The following ANO1 variants were observed in gnomAD, a reference collection of about 807,000 sequenced individuals.
ANO1 encodes the protein anoctamin 1, also known as anoctamin-1.
In ANO1, 59 loss-of-function variants were observed where a neutral mutation model predicts 124.0. The observed-to-expected ratio is 0.48, with a 90% CI of 0.39 to 0.59. ANO1 has a LOEUF of 0.59. Among genes scored for constraint, ANO1 ranks in the 20% least tolerant of loss-of-function variants. The pLI is 0.00. For missense variants in ANO1, 1,059 were observed against 1,328.0 expected, an observed-to-expected ratio of 0.80 and a Z score of 3.15; for synonymous variants, 529 against 532.0, an observed-to-expected ratio of 0.99 and a Z score of 0.08.
intron 1 of ANO1, chr11:70,085,388 G>A: frequency 7.0e-7 from 1 of 1,427,926 alleles, no homozygotes; most frequent in South Asian, 1.3e-5. Flanking sequence ...CTCAGACTTT[G>A]TCACAGAGGG....
intron 8 of ANO1, among the ~76,000 whole-genome samples, chr11:70,121,125 C>T (rs963293938): frequency 6.6e-6 from 1 of 152,084 alleles, no homozygotes; most frequent in Admixed American, 6.5e-5. Flanking sequence ...GGTCCCTCCT[C>T]CCCCGGTGCA....
chr11:70,028,845 G>A (rs1446842971), intron 1 of ANO1, among the ~76,000 whole-genome samples: 2 of 152,082 alleles, frequency 1.3e-5, no homozygotes, highest in African/African-American at 4.8e-5. Context: ...GCAATGGTAC[G>A]ACCTCAACTC....
chr11:70,049,223 A>G (rs902717014), intron 1 of ANO1, among the ~76,000 whole-genome samples: 2 of 152,082 alleles, frequency 1.3e-5, no homozygotes, highest in African/African-American at 4.8e-5. Flanking sequence ...GCGCTTCTCA[A>G]TGCTCCCAAG....
chr11:70,131,933 A>G lies in ANO1; in HGVS notation c.1112A>G (p.Asp371Gly). Residue 371 changes from aspartate to glycine, a missense_variant, in exon 11 of 26, where the codon GAC becomes GGC. This residue lies in a region of ANO1 where 809 missense variants were observed against 1,094.9 expected (regional missense o/e 0.74). Transcript: ENST00000355303. ...CTCTCTTGCAGCATGGAGATGTGTG[A>G]CCAGAGACACAATATCACCATGTGC... is the stretch of plus-strand genomic sequence containing the variant. The part of the protein sequence containing the change: ...DENIPSMEMC[D>G]QRHNITMCPL... 6.2e-7 allele frequency: 1 copy of G among 1,607,252 alleles called. No homozygotes were observed. Among genetic ancestry groups the G allele is most frequent in the Non-Finnish European group, 8.5e-7 (1 of 1,179,592 alleles).
At chr11:69,967,083 T>A in the ANO1 span, among the ~76,000 whole-genome samples, 108 of 152,246 alleles carry the variant, frequency 7.1e-4, 1 homozygote, top group African/African-American at 2.5e-3. Flanking sequence ...CCTAAAAATG[T>A]CTCCAGACAT....
At position 70,138,843 on chromosome 11, in the gene ANO1, G is replaced by A. The variant is rs573798228; in HGVS notation, c.1258+6764G>A. Among the ~76,000 whole-genome samples the A allele has an allele frequency of 4.0e-4, 60 of 151,882 alleles. No individual in the cohort carries two copies. In the East Asian group the frequency reaches 4.4e-3, roughly 11 times the overall value. On this transcript the variant is annotated intron_variant, in intron 11 of 25. Transcript: ENST00000355303. ...CTGATCTGTTACATGGGTAAACTGC[G>A]TGCCGTTGGTTTGGTGTACAGGTTA... is the stretch of plus-strand genomic sequence containing the variant.
At chr11:69,980,697 C>A in the ANO1 span, among the ~76,000 whole-genome samples, 1 of 151,860 alleles carries the variant, frequency 6.6e-6, no homozygotes, top group African/African-American at 2.4e-5. Flanking sequence ...TGCCACTGAG[C>A]CGCACACTTA....
intron 11 of ANO1, among the ~76,000 whole-genome samples, chr11:70,139,892 C>A (rs148353515): frequency 3.3e-5 from 5 of 152,200 alleles, no homozygotes; most frequent in Non-Finnish European, 7.3e-5. Context: ...CTCCGGCTGG[C>A]GTGTGTGCTG....
upstream of ANO1, chr11:70,078,186 G>A (rs1427536582): frequency 2.0e-5 from 3 of 152,618 alleles, no homozygotes; most frequent in East Asian, 5.8e-4. Context: ...AAACTTGGAG[G>A]GGCCCGCAGG....
chr11:70,116,863 C>G (rs913576689), intron 8 of ANO1, among the ~76,000 whole-genome samples: 9 of 152,160 alleles, frequency 5.9e-5, no homozygotes, highest in Admixed American at 5.2e-4. Flanking sequence ...GGCATGTGGC[C>G]TAATCCCACA....
At chr11:70,150,144 G>A (rs1278037179) in intron 12 of ANO1, among the ~76,000 whole-genome samples, 2 of 152,164 alleles carry the variant, frequency 1.3e-5, no homozygotes, top group Admixed American at 6.5e-5. Flanking sequence ...CGTGGGGGTG[G>A]AGAGGAAATG....
chr11:69,985,541 GC>G (rs1334088658), upstream of ANO1, among the ~76,000 whole-genome samples: 8 of 152,288 alleles, frequency 5.3e-5, no homozygotes, highest in Admixed American at 5.2e-4. Context: ...TCACGGAACC[GC>G]CCCGCGCCCA....
At chr11:69,996,259 T>C (rs1351319629) in intron 1 of ANO1, among the ~76,000 whole-genome samples, 1 of 152,244 alleles carries the variant, frequency 6.6e-6, no homozygotes, top group African/African-American at 2.4e-5. Context: ...GGGATCCTCC[T>C]TAACTAGTAT....
chr11:70,180,114 C>T (rs969200188), intron 23 of ANO1, 58 bp downstream of exon 23: 6 of 1,524,472 alleles, frequency 3.9e-6, no homozygotes, highest in Admixed American at 1.7e-5. Context: ...GCCAGGTGGC[C>T]GGGGCCCTGT....
At chr11:70,140,246 G>A (rs528779728) in intron 11 of ANO1, among the ~76,000 whole-genome samples, 1 of 152,068 alleles carries the variant, frequency 6.6e-6, no homozygotes, top group Non-Finnish European at 1.5e-5. Flanking sequence ...AAGTAAAGGA[G>A]TGGCCGGGCT....
At position 70,108,990 on chromosome 11, in the gene ANO1, C is replaced by G. The variant is rs77072350; in HGVS notation, c.799+586C>G. ...AAATTGTGTAGCTGGGAACCACCCC[C>G]CACAGTGGGTCCCTTGCCCACAGCT... On this transcript the variant is annotated intron_variant, in intron 6 of 25. Coordinates refer to ENST00000355303, the MANE Select transcript of ANO1 (RefSeq NM_018043.7). Among the ~76,000 whole-genome samples, 206 of 152,314 alleles carry G rather than the reference C, an allele frequency of 1.4e-3. 7 individuals are homozygous for G. In the East Asian group the frequency reaches 0.03, roughly 22 times the overall value.
chr11:70,112,108 C>T lies in ANO1; in HGVS notation c.855+346C>T, dbSNP rs546731645. 3.2e-4 allele frequency among the ~76,000 whole-genome samples: 48 copies of T among 152,324 alleles called. No individual in the cohort carries two copies. The South Asian group carries it at 9.7e-3, about 31-fold the overall frequency. On this transcript the variant is annotated intron_variant, in intron 7 of 25. Coordinates refer to ENST00000355303, the MANE Select transcript of ANO1 (RefSeq NM_018043.7). Reference sequence around the variant, plus strand: ...CTGGCCCGGGGCTCTGGCAGAATGACCAGGGCTCTGTACGTGTCTATTTCT... The same window carrying T: ...CTGGCCCGGGGCTCTGGCAGAATGATCAGGGCTCTGTACGTGTCTATTTCT...
chr11:70,080,860 G>A (rs902545606), intron 1 of ANO1, among the ~76,000 whole-genome samples: 1 of 152,218 alleles, frequency 6.6e-6, no homozygotes, highest in African/African-American at 2.4e-5. Context: ...CAGCCATGGA[G>A]CAGGGGCCTG....
Position 70,067,615 on chromosome 11 carries a change from G to T in ANO1, c.59-10927G>T, listed in dbSNP as rs556547516. ...AGAGTTGGGATTACAGGCATGAGCC[G>T]CCGCACCCGGCCTGTGCGTGTTTTG... On this transcript the variant is annotated intron_variant, in intron 1 of 27. Coordinates refer to the ANO1 transcript ENST00000531349. Among the ~76,000 whole-genome samples, 7 of 152,226 alleles carry T rather than the reference G, an allele frequency of 4.6e-5. No homozygotes were observed. The South Asian group carries it at 1.5e-3, about 32-fold the overall frequency.
Sources: allele counts gnomAD v4.1 joint callset (sites outside exome capture counted in the v4.1 genomes callset), GRCh38; gene constraint gnomAD v4.1.1; regional missense constraint gnomAD v4.1.1; transcripts MANE v1.5; gene names NCBI Gene and HGNC (gene_info 2026-07-23, HGNC 2026-07-21).